The following TRAF3IP3 variants were observed in gnomAD, a reference collection of about 807,000 sequenced individuals.
TRAF3IP3 encodes TRAF3-interacting JNK-activating modulator.
Under a neutral mutation model 86.5 loss-of-function variants are expected in TRAF3IP3, and 64 were observed. The ratio of observed to expected loss-of-function variants is 0.74; its 90% CI spans 0.60 to 0.91. The LOEUF (loss-of-function observed/expected upper bound fraction) is 0.91, where lower values mean the gene tolerates loss of function less well. Among genes scored for constraint, TRAF3IP3 ranks in the 40% least tolerant of loss-of-function variants. TRAF3IP3 has a pLI of 0.00. For missense variants in TRAF3IP3, 579 were observed against 642.9 expected (o/e 0.90, Z 1.07); for synonymous variants, 220 against 243.9 (o/e 0.90, Z 0.91).
chr1:209,763,424 C>T lies in TRAF3IP3; in HGVS notation c.606+32C>T, dbSNP rs1287661375. The T allele has an allele frequency of 3.1e-6, 5 of 1,613,536 alleles. No individual in the cohort carries two copies. The South Asian group carries it at 5.5e-5, about 18-fold the overall frequency. On this transcript the variant is annotated intron_variant, in intron 7 of 16. Transcript: ENST00000367025. ...GGCATGTGACCCCTCCCCTCAGTTC[C>T]TCCATCCACTTACCCCCGATCCTCC...
At position 209,777,846 on chromosome 1, in the gene TRAF3IP3, C is replaced by T. The variant is rs1571961854; in HGVS notation, c.1190-265C>T. On this transcript the variant is annotated intron_variant, in intron 12 of 16. Transcript: ENST00000367025. ...AGGCATAGAGAAAGTCTCTCAGTCA[C>T]ATCCTCTGTGTCCGCTGATAGAGAG... 27 of 542,628 alleles carry T rather than the reference C, an allele frequency of 5.0e-5. No individual in the cohort carries two copies. In the East Asian group the frequency reaches 8.0e-4, roughly 16 times the overall value. 33.6% of individuals were successfully genotyped at this position (542,628 alleles called of 1,614,324 possible). A position where few individuals can be genotyped will look rare whatever the true frequency, so the allele number is the denominator to read the frequency against.
At position 209,765,263 on chromosome 1, in the gene TRAF3IP3, AAGGAAGG is replaced by A. The variant is rs1213066463; in HGVS notation, c.702+1678_702+1684del. On this transcript the variant is annotated intron_variant, in intron 8 of 16. Coordinates refer to ENST00000367025, the MANE Select transcript of TRAF3IP3 (RefSeq NM_025228.4). ...GAAGGAAGGAAGGAAGGAAGGAAGGAAGGAAGGAAGGAAGGAAGGAAGGAAGAAATTA... is the reference window on the plus strand; with the variant it reads ...GAAGGAAGGAAGGAAGGAAGGAAGGAAAGGAAGGAAGGAAGGAAGAAATTA... Among the ~76,000 whole-genome samples the A allele has an allele frequency of 4.1e-5, 6 of 147,534 alleles. 2 individuals carry two copies. The highest frequency in any genetic ancestry group is 1.2e-4 in the African/African-American group (5 of 40,036).
Position 209,781,462 on chromosome 1 carries a change from A to G in TRAF3IP3, c.1563+4A>G. ...GAGCCAGCAGCTGCCTCCCAGAGTAAGAGGGTCTCTCCTTCCCATAAAGCC... is the reference window on the plus strand; with the variant it reads ...GAGCCAGCAGCTGCCTCCCAGAGTAGGAGGGTCTCTCCTTCCCATAAAGCC... On this transcript the variant is annotated splice_donor_region_variant and intron_variant, in intron 16 of 16. Coordinates refer to ENST00000367025, the MANE Select transcript of TRAF3IP3 (RefSeq NM_025228.4). 1.9e-6 allele frequency: 3 copies of G among 1,606,504 alleles called. No homozygotes were observed. The highest frequency in any genetic ancestry group is 2.6e-6 in the Non-Finnish European group (3 of 1,173,430).
At chr1:209,772,311 T>A (rs532680941) in intron 8 of TRAF3IP3, among the ~76,000 whole-genome samples, 14 of 152,294 alleles carry the variant, frequency 9.2e-5, no homozygotes, top group African/African-American at 3.4e-4. Flanking sequence ...CTTCCTGCAG[T>A]GCCCTGATCT....
At position 209,759,965 on chromosome 1, in the gene TRAF3IP3, C is replaced by T. The variant is rs1571908574; in HGVS notation, c.-58-17C>T. 1 of 1,290,456 alleles carries T rather than the reference C, an allele frequency of 7.7e-7. No individual in the cohort carries two copies. The allele number at this position is 1,290,456 out of a possible 1,614,324, so 79.9% of individuals were successfully genotyped here. On this transcript the variant is annotated splice_polypyrimidine_tract_variant and intron_variant, in intron 2 of 16. Transcript: ENST00000367025. ...CTTCTGACCCCTCCCCTTCTCCTCC[C>T]TCTTGGCATTTGGCAGATCCAGGCA... is the stretch of plus-strand genomic sequence containing the variant.
At chr1:209,765,543 T>C (rs1220860220) in intron 8 of TRAF3IP3, among the ~76,000 whole-genome samples, 1 of 152,106 alleles carries the variant, frequency 6.6e-6, no homozygotes, top group Non-Finnish European at 1.5e-5. Flanking sequence ...GGCATGCACC[T>C]GTAGTCTTAG....
intron 8 of TRAF3IP3, among the ~76,000 whole-genome samples, chr1:209,768,887 G>T (rs760563940): frequency 3.9e-5 from 6 of 152,186 alleles, no homozygotes; most frequent in Admixed American, 2.6e-4. Flanking sequence ...TGACGTTTTG[G>T]GGAGTCCAGA....
intron 11 of TRAF3IP3, 86 bp from the exon 12 acceptor site, chr1:209,777,266 A>C: frequency 8.1e-7 from 1 of 1,242,032 alleles, no homozygotes; most frequent in Non-Finnish European, 1.1e-6. Flanking sequence ...AGACTTTTCT[A>C]CATTTTCCTC....
At chr1:209,781,603 T>C in intron 16 of TRAF3IP3, 145 bp downstream of exon 16, 1 of 554,698 alleles carries the variant, frequency 1.8e-6, no homozygotes, top group Non-Finnish European at 3.2e-6. Flanking sequence ...ACTGACATTA[T>C]GGCAACCATT....
chr1:209,772,739 T>C (rs897447603), intron 8 of TRAF3IP3, among the ~76,000 whole-genome samples: 5 of 151,362 alleles, frequency 3.3e-5, no homozygotes, highest in African/African-American at 1.2e-4. Context: ...TTGAGGCCAG[T>C]CTTATTCTTT....
Position 209,779,384 on chromosome 1 carries a change from T to C in TRAF3IP3, c.1312+10T>C, listed in dbSNP as rs2077728047. 6.2e-7 allele frequency: 1 copy of C among 1,611,190 alleles called. No homozygotes were observed. The highest frequency in any genetic ancestry group is 1.7e-5 in the Admixed American group (1 of 60,002). The stretch of plus-strand genomic sequence containing the variant: ...CTCTTAACAAAGAAAGGTCAGCAAA[T>C]TTATTACCACAAATTCTAAGATATT... On this transcript the variant is annotated intron_variant, in intron 14 of 16. Transcript: ENST00000367025.
intron 9 of TRAF3IP3, among the ~76,000 whole-genome samples, chr1:209,775,008 C>G (rs1558026163): frequency 6.6e-6 from 1 of 152,006 alleles, no homozygotes; most frequent in Non-Finnish European, 1.5e-5. Context: ...TTGGAAAAGC[C>G]TGGATGGATG....
intron 8 of TRAF3IP3, among the ~76,000 whole-genome samples, chr1:209,764,147 C>A (rs2102443990): frequency 6.6e-6 from 1 of 152,196 alleles, no homozygotes; most frequent in East Asian, 1.9e-4. Context: ...TGATTTTAGT[C>A]CATTCAATGT....
chr1:209,773,281 C>CTCCAGGGGACAAACAAGGT (rs2077584209), intron 9 of TRAF3IP3, among the ~76,000 whole-genome samples: 1 of 152,208 alleles, frequency 6.6e-6, no homozygotes, highest in Admixed American at 6.5e-5. Flanking sequence ...AGTTTGTCAG[C>CTCCAGGGGACAAACAAGGT]TCCAGGGGAA....
At chr1:209,759,628 C>T (rs1558213481) in intron 2 of TRAF3IP3, among the ~76,000 whole-genome samples, 4 of 152,326 alleles carry the variant, frequency 2.6e-5, no homozygotes, top group Non-Finnish European at 5.9e-5. Context: ...ACCTGCCATC[C>T]AAGAGGCTAT....
Position 209,760,388 on chromosome 1 carries a change from G to A in TRAF3IP3, c.345+4G>A. 3 of 1,577,486 alleles carry A rather than the reference G, an allele frequency of 1.9e-6. No homozygotes were observed. Among genetic ancestry groups the A allele is most frequent in the South Asian group, 1.2e-5 (1 of 86,766 alleles). ...GATTTCTTCTCCCAGAGAGCAGGTG[G>A]GCCGTGTCAAGGGACATACTGCTGT... is the stretch of plus-strand genomic sequence containing the variant. On this transcript the variant is annotated splice_donor_region_variant and intron_variant, in intron 3 of 16. Coordinates refer to ENST00000367025, the MANE Select transcript of TRAF3IP3 (RefSeq NM_025228.4).
At chr1:209,771,900 GGTGT>G (rs1160322885) in intron 8 of TRAF3IP3, among the ~76,000 whole-genome samples, 4 of 122,210 alleles carry the variant, frequency 3.3e-5, no homozygotes, top group Admixed American at 8.2e-5. Context: ...CGCATGTGAA[GGTGT>G]GTGTGTATAT....
chr1:209,766,401 T>A (rs982425014), intron 8 of TRAF3IP3, among the ~76,000 whole-genome samples: 1 of 152,154 alleles, frequency 6.6e-6, no homozygotes, highest in Non-Finnish European at 1.5e-5. Flanking sequence ...AGCATTACAG[T>A]CCTAACTCTT....
At chr1:209,767,998 C>T (rs1361673798) in intron 8 of TRAF3IP3, among the ~76,000 whole-genome samples, 1 of 152,104 alleles carries the variant, frequency 6.6e-6, no homozygotes, top group East Asian at 1.9e-4. Context: ...CACCAACCCC[C>T]TAGCTTCCAG....
Sources: gnomAD v4.1 joint callset for allele counts (sites outside exome capture counted in the v4.1 genomes callset) on GRCh38, gnomAD v4.1.1 for gene constraint, MANE v1.5 for transcripts, NCBI Gene and HGNC (gene_info 2026-07-23, HGNC 2026-07-21) for gene names.